Variants in PPRC1 observed in about 807,000 individuals in gnomAD.
PPRC1 encodes the protein PPARG related coactivator 1.
Under a neutral mutation model 132.5 loss-of-function variants are expected in PPRC1, and 23 were observed. That is an observed-to-expected ratio of 0.17 (90% confidence interval 0.12 to 0.25). The LOEUF is 0.25. Among genes scored for constraint, PPRC1 ranks in the 10% least tolerant of loss-of-function variants. The pLI, the probability that PPRC1 is intolerant of heterozygous loss-of-function variation, is 1.00. For missense variants in PPRC1, 2,006 were observed against 2,089.1 expected (o/e 0.96, Z 0.78); for synonymous variants, 872 against 833.5 (o/e 1.05, Z -0.80).
At chr10:102,127,020 CATATATATATATAT>C in the PPRC1 span, among the ~76,000 whole-genome samples, 70 of 87,942 alleles carry the variant, frequency 8.0e-4, no homozygotes, top group East Asian at 4.0e-3. Context: ...GGTTTTTTAT[CATATATATATATAT>C]ATATATATAT....
In PPRC1 at chr10:102,142,521, C is replaced by T. The variant is rs545771854; in HGVS notation, c.3496+517C>T. 1.0e-3 allele frequency among the ~76,000 whole-genome samples: 145 copies of T among 144,192 alleles called. 2 individuals carry two copies. The South Asian group carries it at 0.021, about 21-fold the overall frequency. 94.6% of individuals were successfully genotyped at this position (144,192 alleles called of 152,430 possible). On this transcript the variant is annotated intron_variant, in intron 5 of 13. Transcript: ENST00000278070. ...GCAACCTCCGCCTCCCGGGTTCAAGCGATTCTCCTGCCTCAGCCTCCCCAG... is the reference window on the plus strand; with the variant it reads ...GCAACCTCCGCCTCCCGGGTTCAAGTGATTCTCCTGCCTCAGCCTCCCCAG...
chr10:102,131,072 G>GTA (rs1031087827), upstream of PPRC1, among the ~76,000 whole-genome samples: 1 of 151,576 alleles, frequency 6.6e-6, no homozygotes, highest in Non-Finnish European at 1.5e-5. Flanking sequence ...GTGGGCACCT[G>GTA]TAGTCCCACC....
At chr10:102,143,148 T>C (rs2069070915) in intron 6 of PPRC1, 50 bp downstream of exon 6, 1 of 1,556,008 alleles carries the variant, frequency 6.4e-7, no homozygotes, top group South Asian at 1.1e-5. Flanking sequence ...GGTGATACTT[T>C]TTTGGGCCCA....
intron 1 of PPRC1, among the ~76,000 whole-genome samples, chr10:102,133,443 G>A (rs1244784476): frequency 6.6e-6 from 1 of 152,106 alleles, no homozygotes; most frequent in Non-Finnish European, 1.5e-5. Flanking sequence ...GGGAGAGCGG[G>A]GTGTCGGAAA....
the PPRC1 span, among the ~76,000 whole-genome samples, chr10:102,124,284 C>T: frequency 1.3e-5 from 2 of 151,080 alleles, no homozygotes; most frequent in African/African-American, 4.9e-5. Flanking sequence ...AGGCTGGTCT[C>T]GAACTCCTGA....
intron 9 of PPRC1, among the ~76,000 whole-genome samples, chr10:102,147,954 A>G (rs1459925074): frequency 1.3e-5 from 2 of 152,124 alleles, no homozygotes; most frequent in African/African-American, 4.8e-5. Flanking sequence ...AACCTCTCTC[A>G]TGGTCACAGT....
upstream of PPRC1, among the ~76,000 whole-genome samples, chr10:102,132,445 C>T (rs1328408344): frequency 6.6e-6 from 1 of 152,210 alleles, no homozygotes; most frequent in African/African-American, 2.4e-5. Flanking sequence ...GGCAGGAGAA[C>T]ACCTGTTGTC....
chr10:102,133,624 C>A (rs1433754628), intron 1 of PPRC1, among the ~76,000 whole-genome samples: 1 of 151,974 alleles, frequency 6.6e-6, no homozygotes, highest in East Asian at 1.9e-4. Context: ...TCCCCTCCCC[C>A]TCTAGGCGGC....
At chr10:102,146,000 G>A (rs2069229029) in intron 8 of PPRC1, among the ~76,000 whole-genome samples, 1 of 152,212 alleles carries the variant, frequency 6.6e-6, no homozygotes, top group South Asian at 2.1e-4. Flanking sequence ...TAGATTTAGG[G>A]AACAGGGCAT....
chr10:102,126,053 G>A, the PPRC1 span, among the ~76,000 whole-genome samples: 1 of 151,958 alleles, frequency 6.6e-6, no homozygotes, highest in South Asian at 2.1e-4. Context: ...GTAGAGTAGG[G>A]GTTTCACCAT....
At position 102,149,198 on chromosome 10, in the gene PPRC1, C is replaced by G; in HGVS notation, c.4760C>G (p.Thr1587Ser). ...ACTAGGGACAACTACGGCTTCGTCA[C>G]TTATCGCTATGCTGAGGAGGCATTT... ...RVQGDNYGFV[T>S]YRYAEEAFAA... The change falls in exon 13 of 14, where the codon ACT becomes AGT. Residue 1587 changes from threonine to serine, a missense_variant. Physicochemically the swap from Thr to Ser is moderately conservative, Grantham distance 58. Coordinates refer to ENST00000278070, the MANE Select transcript of PPRC1 (RefSeq NM_015062.5). 3 of 1,599,050 alleles carry G rather than the reference C, an allele frequency of 1.9e-6. No individual in the cohort carries two copies. Among genetic ancestry groups the G allele is most frequent in the Non-Finnish European group, 1.7e-6 (2 of 1,172,002 alleles).
the PPRC1 span, among the ~76,000 whole-genome samples, chr10:102,127,047 A>ATATATATATATATATG: frequency 3.5e-5 from 2 of 57,654 alleles, no homozygotes; most frequent in African/African-American, 7.6e-5. Context: ...ATATATATAT[A>ATATATATATATATATG]TATATATATA....
In PPRC1 at chr10:102,148,598, TG is replaced by T. The variant is rs35668878; in HGVS notation, c.4551-24del. ...GTTGAGTCTTGAATTGTCTTATGTTTGGGGGGCTGATGACACCCTCTTTTGT... is the reference window on the plus strand; with the variant it reads ...GTTGAGTCTTGAATTGTCTTATGTTTGGGGGCTGATGACACCCTCTTTTGT... On this transcript the variant is annotated intron_variant, in intron 10 of 13. Transcript: ENST00000278070. The surrounding 1 kb of genome is among the most constrained non-coding windows in gnomAD (Gnocchi z 4.2). 8.7e-6 allele frequency: 14 copies of T among 1,613,738 alleles called. No homozygotes were observed. The highest frequency in any genetic ancestry group is 1.2e-5 in the Non-Finnish European group (14 of 1,179,804).
Position 102,140,183 on chromosome 10 carries a change from C to G in PPRC1, c.1675C>G (p.Pro559Ala), listed in dbSNP as rs765422919. Residue 559 changes from proline to alanine, a missense_variant, in exon 5 of 14, where the codon CCA becomes GCA. Physicochemically the swap from Pro to Ala is conservative, Grantham distance 27. Around this residue, in one of 2 missense-constraint regions of PPRC1, gnomAD observed 1,914 missense variants for 1,917.2 expected, o/e 1.00. Transcript: ENST00000278070. The stretch of plus-strand genomic sequence containing the variant: ...TAAAGAAGGCCCTCTAGACCTCTAC[C>G]CAAAGCTGGCTGACACTATCCAAAC... ...PAKEGPLDLY[P>A]KLADTIQTNP... 2.5e-6 allele frequency: 4 copies of G among 1,614,210 alleles called. No individual in the cohort carries two copies. The highest frequency in any genetic ancestry group is 1.1e-5 in the South Asian group (1 of 91,082).
intron 1 of PPRC1, among the ~76,000 whole-genome samples, chr10:102,136,715 C>G (rs2068735989): frequency 6.6e-6 from 1 of 152,124 alleles, no homozygotes; most frequent in Non-Finnish European, 1.5e-5. Flanking sequence ...TCTGTGGTTT[C>G]AGGCATCTAC....
At chr10:102,121,519 A>G in the PPRC1 span, among the ~76,000 whole-genome samples, 5 of 151,780 alleles carry the variant, frequency 3.3e-5, no homozygotes, top group Admixed American at 1.3e-4. Context: ...GGACTCCCCA[A>G]CCCAGCCCTA....
chr10:102,135,259 G>C (rs1052432532), intron 1 of PPRC1, among the ~76,000 whole-genome samples: 1 of 152,226 alleles, frequency 6.6e-6, no homozygotes, highest in Non-Finnish European at 1.5e-5. Context: ...AGGAGGAAGA[G>C]AGCATGGCTT....
Position 102,146,877 on chromosome 10 carries a change from C to T in PPRC1, c.3885C>T (p.Asp1295=). Residue 1295 remains aspartate (D), a synonymous_variant, in exon 9 of 14, where the codon GAC becomes GAT. Transcript: ENST00000278070. ...GTCGAGTCCATGTGGGCTCTGGGGA[C>T]CATGACTATTGTGTCCGGAGCAGGA... ...GPSRVHVGSG[D]HDYCVRSRTP... 6.2e-7 allele frequency: 1 copy of T among 1,614,036 alleles called. No individual in the cohort carries two copies. Among genetic ancestry groups the T allele is most frequent in the Non-Finnish European group, 8.5e-7 (1 of 1,179,976 alleles).
At chr10:102,127,019 T>TTTTTTATATATATA in the PPRC1 span, among the ~76,000 whole-genome samples, 1 of 78,884 alleles carries the variant, frequency 1.3e-5, no homozygotes, top group African/African-American at 4.9e-5. Context: ...TGGTTTTTTA[T>TTTTTTATATATATA]CATATATATA....
Sources: gnomAD v4.1 joint callset for allele counts (sites outside exome capture counted in the v4.1 genomes callset) on GRCh38, gnomAD v4.1.1 for gene constraint, gnomAD v4.1.1 regional missense constraint, Gnocchi (gnomAD v3.1) non-coding constraint, MANE v1.5 for transcripts, NCBI Gene and HGNC (gene_info 2026-07-23, HGNC 2026-07-21) for gene names.